Variants in REPS2 observed in about 807,000 individuals in gnomAD.
The protein encoded by REPS2 is ralBP1-associated Eps domain-containing protein 2.
In REPS2, 23 loss-of-function variants were observed where a neutral mutation model predicts 53.6. The ratio of observed to expected loss-of-function variants is 0.43; its 90% CI spans 0.31 to 0.61. REPS2 has a LOEUF of 0.61. Among genes scored for constraint, REPS2 ranks in the 20% least tolerant of loss-of-function variants. The pLI is 0.11. For missense variants in REPS2, 446 were observed against 534.9 expected, an observed-to-expected ratio of 0.83 and a Z score of 1.64; for synonymous variants, 238 against 218.6, an observed-to-expected ratio of 1.09 and a Z score of -0.78.
intron 14 of REPS2, among the ~76,000 whole-genome samples, chrX:17,109,981 T>C (rs929264877): frequency 8.9e-6 from 1 of 112,284 alleles, no homozygotes; most frequent in Non-Finnish European, 1.9e-5. Flanking sequence ...AAATACTCTA[T>C]CCTTTTAATT....
chrX:17,152,461 A>G lies in REPS2; in HGVS notation c.*4980A>G, dbSNP rs1168164216. ...AATACTCTGGTCTTGCTGTAAGCTA[A>G]TGTCATGGCTGTGGGATATTAGAGA... On this transcript the variant is annotated 3_prime_UTR_variant, in exon 18 of 18. Coordinates refer to ENST00000357277, the MANE Select transcript of REPS2 (RefSeq NM_004726.3). 1 of 112,312 alleles carries G rather than the reference A, an allele frequency of 8.9e-6. No individual in the cohort carries two copies. The highest frequency in any genetic ancestry group is 3.2e-5 in the African/African-American group (1 of 30,907). The allele number at this position is 112,312 out of a possible 1,213,427, so 9.3% of individuals were successfully genotyped here.
chrX:17,063,002 G>T (rs1225683527), intron 9 of REPS2, among the ~76,000 whole-genome samples: 1 of 112,055 alleles, frequency 8.9e-6, no homozygotes, highest in East Asian at 2.8e-4. Context: ...CTCCCTCAGG[G>T]TTTTTAGCTT....
downstream of REPS2, among the ~76,000 whole-genome samples, chrX:17,153,653 G>A (rs909734686): frequency 9.0e-6 from 1 of 111,548 alleles, no homozygotes; most frequent in East Asian, 2.8e-4. Context: ...TTGAAATCTC[G>A]ACCAAGTAAT....
chrX:17,000,361 G>A (rs772700075), intron 1 of REPS2, among the ~76,000 whole-genome samples: 1 of 111,795 alleles, frequency 8.9e-6, no homozygotes, highest in East Asian at 2.8e-4. Context: ...GGACTCCTGG[G>A]CCCAAGTGAT....
intron 6 of REPS2, among the ~76,000 whole-genome samples, chrX:17,050,701 G>T (rs1320126307): frequency 1.9e-5 from 2 of 106,395 alleles, no homozygotes; most frequent in Non-Finnish European, 3.9e-5. Context: ...TAATGTTTTA[G>T]TTTTTTTTTT....
At chrX:17,117,948 C>CTTT (rs145872769) in intron 14 of REPS2, among the ~76,000 whole-genome samples, 2 of 31,005 alleles carry the variant, frequency 6.5e-5, no homozygotes, top group African/African-American at 1.4e-4. Context: ...TGTTTCCTGA[C>CTTT]TTTTTTTTTT....
intron 2 of REPS2, among the ~76,000 whole-genome samples, chrX:17,019,769 A>G (rs937066518): frequency 8.9e-6 from 1 of 111,742 alleles, no homozygotes; most frequent in African/African-American, 3.3e-5. Context: ...CAAGGCTGCA[A>G]TGAGCTATGT....
At chrX:17,045,823 A>G (rs1376407157) in intron 5 of REPS2, among the ~76,000 whole-genome samples, 1 of 110,673 alleles carries the variant, frequency 9.0e-6, no homozygotes, top group African/African-American at 3.3e-5. Flanking sequence ...TATCAAAGTA[A>G]TACATATTTT....
intron 14 of REPS2, among the ~76,000 whole-genome samples, chrX:17,105,896 C>A (rs1349174189): frequency 8.9e-6 from 1 of 111,821 alleles, no homozygotes. Flanking sequence ...GTATGGGACA[C>A]CTATATATTC....
downstream of REPS2, among the ~76,000 whole-genome samples, chrX:17,154,513 G>A (rs949775748): frequency 1.8e-5 from 2 of 111,790 alleles, no homozygotes; most frequent in African/African-American, 3.3e-5. Flanking sequence ...AGAACCCTGG[G>A]AATTCAATGA....
intron 9 of REPS2, among the ~76,000 whole-genome samples, chrX:17,065,950 G>T (rs1482610785): frequency 9.0e-6 from 1 of 111,284 alleles, no homozygotes; most frequent in Non-Finnish European, 1.9e-5. Context: ...TAATTTTTGT[G>T]TATGTTCTGA....
rs2062257667 is a variant in REPS2 at position 17,068,559 on chromosome X, T to C, written c.1279+88T>C. The C allele has an allele frequency of 4.4e-6, 3 of 686,753 alleles. No individual in the cohort carries two copies. In the African/African-American group the frequency reaches 6.5e-5, roughly 15 times the overall value. 56.6% of individuals were successfully genotyped at this position (686,753 alleles called of 1,213,427 possible). A position where few individuals can be genotyped will look rare whatever the true frequency, so the allele number is the denominator to read the frequency against. On this transcript the variant is annotated intron_variant, in intron 10 of 17. Transcript: ENST00000357277. ...TTGGAATGGTGGCTTCTAGAGCATA[T>C]GAGGGTGGTTCTCAGCATGTAAACA...
chrX:16,965,412 G>A (rs1360361361), intron 1 of REPS2, among the ~76,000 whole-genome samples: 1 of 112,367 alleles, frequency 8.9e-6, no homozygotes, highest in Non-Finnish European at 1.9e-5. Context: ...GGGCGGAGAC[G>A]CTCCTCACTT....
At chrX:16,965,885 G>A (rs1457498635) in intron 1 of REPS2, among the ~76,000 whole-genome samples, 3 of 112,618 alleles carry the variant, frequency 2.7e-5, no homozygotes, top group Non-Finnish European at 5.6e-5. Context: ...AGGCTGGCGG[G>A]TCACTCGCGG....
downstream of REPS2, among the ~76,000 whole-genome samples, chrX:17,158,262 A>G (rs2063630009): frequency 8.9e-6 from 1 of 112,103 alleles, no homozygotes; most frequent in African/African-American, 3.2e-5. Flanking sequence ...TGCAAATGAT[A>G]GGTTAATGGT....
intron 13 of REPS2, chrX:17,100,071 T>A: frequency 8.9e-7 from 1 of 1,128,605 alleles, no homozygotes; most frequent in Admixed American, 2.2e-5. Flanking sequence ...AGCTTTGTGC[T>A]TGCCTCCCTC....
chrX:17,042,337 A>G (rs2061841408), intron 5 of REPS2, among the ~76,000 whole-genome samples: 1 of 111,617 alleles, frequency 9.0e-6, no homozygotes, highest in Admixed American at 9.6e-5. Context: ...AAGGCTCCAC[A>G]GCTTATTTGC....
chrX:17,068,914 G>T (rs1033962739), intron 10 of REPS2, among the ~76,000 whole-genome samples: 5 of 112,273 alleles, frequency 4.5e-5, no homozygotes, highest in Non-Finnish European at 5.6e-5. Flanking sequence ...GGCTTTGTGA[G>T]TGTGGGAGTG....
chrX:17,028,271 A>T (rs1345749109), intron 4 of REPS2, among the ~76,000 whole-genome samples: 2 of 112,012 alleles, frequency 1.8e-5, no homozygotes, highest in Admixed American at 1.9e-4. Context: ...ACCATGCCAC[A>T]GTTCACTGTG....
Sources: allele counts gnomAD v4.1 joint callset (sites outside exome capture counted in the v4.1 genomes callset), GRCh38; gene constraint gnomAD v4.1.1; transcripts MANE v1.5; gene names NCBI Gene and HGNC (gene_info 2026-07-23, HGNC 2026-07-21).